Variants in PCDHA9 observed in about 807,000 individuals in gnomAD.
The protein encoded by PCDHA9 is protocadherin alpha-9.
In PCDHA9, 62 loss-of-function variants were observed where a neutral mutation model predicts 62.0. The ratio of observed to expected loss-of-function variants is 1.00; its 90% confidence interval spans 0.81 to 1.23. The LOEUF (loss-of-function observed/expected upper bound fraction) is 1.23. Among genes scored for constraint, PCDHA9 ranks in the 50% most tolerant of loss-of-function variants. The pLI is 0.00. For missense variants in PCDHA9, 1,205 were observed against 1,249.8 expected (o/e 0.96, Z 0.54); for synonymous variants, 557 against 567.6 (o/e 0.98, Z 0.27).
At chr5:140,966,802 G>A in intron 1 of PCDHA9, 4 of 1,542,100 alleles carry the variant, frequency 2.6e-6, no homozygotes, top group Non-Finnish European at 2.6e-6. Context: ...CGGCGACAGA[G>A]CATCCACGGC....
chr5:140,927,277 G>T, intron 1 of PCDHA9: 1 of 1,614,016 alleles, frequency 6.2e-7, no homozygotes, highest in Non-Finnish European at 8.5e-7. Context: ...TGCCGGCGAC[G>T]TGCAGCTGCA....
intron 1 of PCDHA9, among the ~76,000 whole-genome samples, chr5:140,949,891 T>G (rs2094429972): frequency 6.6e-6 from 1 of 151,864 alleles, no homozygotes; most frequent in African/African-American, 2.4e-5. Context: ...TTCCTCAGAA[T>G]CTCTTTTAAT....
chr5:140,999,019 A>C (rs782524233), intron 3 of PCDHA9, among the ~76,000 whole-genome samples: 1 of 152,208 alleles, frequency 6.6e-6, no homozygotes, highest in Non-Finnish European at 1.5e-5. Context: ...TGAACCCAAG[A>C]CTTTTGATAC....
chr5:140,981,625 C>T (rs1554243036), intron 2 of PCDHA9, among the ~76,000 whole-genome samples: 2 of 152,096 alleles, frequency 1.3e-5, no homozygotes, highest in Non-Finnish European at 2.9e-5. Context: ...TGAGGGTTTT[C>T]TTGGACATTT....
chr5:140,917,417 C>T (rs1163543772), intron 1 of PCDHA9, among the ~76,000 whole-genome samples: 1 of 152,082 alleles, frequency 6.6e-6, no homozygotes, highest in African/African-American at 2.4e-5. Flanking sequence ...TAATTAGGCC[C>T]CATTTGCCAA....
At chr5:140,886,545 C>T (rs894582397) in intron 1 of PCDHA9, among the ~76,000 whole-genome samples, 5 of 151,964 alleles carry the variant, frequency 3.3e-5, no homozygotes, top group Non-Finnish European at 7.4e-5. Flanking sequence ...AAGGTCTTCC[C>T]AGCTGGGCAC....
At chr5:140,941,191 T>TTTCTTTCTTTC (rs1487503403) in intron 1 of PCDHA9, among the ~76,000 whole-genome samples, 64 of 93,246 alleles carry the variant, frequency 6.9e-4, no homozygotes, top group South Asian at 4.2e-3. Context: ...GCTTCTTTTT[T>TTTCTTTCTTTC]TTTCTTTCTT....
chr5:140,968,089 C>T lies in PCDHA9; in HGVS notation c.2395-10860C>T, dbSNP rs546330069. ...CTGTCTACAACATCACGGTGACAGC[C>T]ACAGATGGGGGAATACCGCAGCTCA... On this transcript the variant is annotated intron_variant, in intron 1 of 3. Transcript: ENST00000532602. 120 of 1,614,126 alleles carry T rather than the reference C, an allele frequency of 7.4e-5. 1 individual carries two copies. The South Asian group carries it at 1.2e-3, about 16-fold the overall frequency.
chr5:140,963,216 T>C (rs868943222), intron 1 of PCDHA9, among the ~76,000 whole-genome samples: 24 of 152,176 alleles, frequency 1.6e-4, no homozygotes, highest in Admixed American at 1.2e-3. Context: ...ACCTCGTGTT[T>C]AGAGTAGACA....
chr5:140,856,465 C>G (rs2044013823), intron 1 of PCDHA9: 1 of 1,598,234 alleles, frequency 6.3e-7, no homozygotes, highest in Non-Finnish European at 8.6e-7. Flanking sequence ...AACAAAAGCT[C>G]TCAATACCTG....
At chr5:140,884,143 G>T in intron 1 of PCDHA9, 1 of 1,613,438 alleles carries the variant, frequency 6.2e-7, no homozygotes. Flanking sequence ...TCCGCGTGGG[G>T]CTGTACACTG....
rs1554174531 is a variant in PCDHA9 at position 140,882,554 on chromosome 5, T to G, written c.2394+31665T>G. On this transcript the variant is annotated intron_variant, in intron 1 of 3. Transcript: ENST00000532602. ...TTCTCGGATCGACCGCGAGGAGCTG[T>G]GTGGGCGGAGCGCGGAGTGCAGCAT... is the stretch of plus-strand genomic sequence containing the variant. 1.9e-6 allele frequency: 3 copies of G among 1,614,174 alleles called. No homozygotes were observed. The South Asian group carries it at 3.3e-5, about 18-fold the overall frequency.
intron 1 of PCDHA9, among the ~76,000 whole-genome samples, chr5:140,921,816 G>A (rs2080411020): frequency 6.6e-6 from 1 of 151,846 alleles, no homozygotes; most frequent in Non-Finnish European, 1.5e-5. Context: ...ATACATGTGT[G>A]AATATCTATA....
intron 1 of PCDHA9, chr5:140,967,928 A>T (rs1438894870): frequency 3.1e-6 from 5 of 1,614,082 alleles, no homozygotes; most frequent in Non-Finnish European, 3.4e-6. Flanking sequence ...GGCCGTTCTC[A>T]GTGTCAATGA....
At chr5:140,882,127 C>G in intron 1 of PCDHA9, 2 of 1,464,686 alleles carry the variant, frequency 1.4e-6, no homozygotes. Flanking sequence ...TTTCTTTCTT[C>G]CTGCAGAAAA....
At chr5:140,897,881 C>T (rs1417702752) in intron 1 of PCDHA9, among the ~76,000 whole-genome samples, 1 of 152,194 alleles carries the variant, frequency 6.6e-6, no homozygotes. Context: ...GATTGCCATT[C>T]TAACTGGTGT....
At chr5:140,985,999 A>G (rs932659753) in intron 3 of PCDHA9, among the ~76,000 whole-genome samples, 10 of 152,104 alleles carry the variant, frequency 6.6e-5, no homozygotes, top group Non-Finnish European at 1.5e-4. Flanking sequence ...TCAGCCTCCC[A>G]AAGTGCTGGG....
chr5:140,876,250 A>T, intron 1 of PCDHA9: 1 of 1,614,046 alleles, frequency 6.2e-7, no homozygotes, highest in South Asian at 1.1e-5. Flanking sequence ...AAACGACACA[A>T]GAGTGATCCA....
intron 1 of PCDHA9, among the ~76,000 whole-genome samples, chr5:140,886,068 GC>G (rs1462692271): frequency 5.3e-5 from 8 of 152,098 alleles, no homozygotes; most frequent in African/African-American, 9.7e-5. Context: ...AAAGCGTAGG[GC>G]CATACCACAA....
Sources: allele counts gnomAD v4.1 joint callset (sites outside exome capture counted in the v4.1 genomes callset), GRCh38; gene constraint gnomAD v4.1.1; transcripts MANE v1.5; gene names NCBI Gene and HGNC (gene_info 2026-07-23, HGNC 2026-07-21).